The following PTGER4 variants were observed in gnomAD, a reference collection of about 807,000 sequenced individuals.
PTGER4 encodes the protein prostaglandin E receptor 4, also known as prostaglandin E2 receptor EP4 subtype.
PTGER4 carries 11 observed loss-of-function variants against 33.2 expected under a neutral mutation model. The ratio of observed to expected loss-of-function variants is 0.33; its 90% CI spans 0.21 to 0.55. The LOEUF (loss-of-function observed/expected upper bound fraction) is 0.55, where lower values mean the gene tolerates loss of function less well. PTGER4 is among the 20% of genes least tolerant of loss of function. The probability of loss-of-function intolerance (pLI) is 0.92; values close to 1 mark genes in which losing one functional copy is unlikely to be tolerated. For synonymous variants in PTGER4, 275 were observed against 281.5 expected (o/e 0.98, Z 0.23); for missense variants, 481 against 650.2 (o/e 0.74, Z 2.83).
rs542986755 is a variant in PTGER4, at chr5:40,689,760, G to C, written c.868-2019G>C. On this transcript the variant is annotated intron_variant, in intron 2 of 2. Coordinates refer to ENST00000302472, the MANE Select transcript of PTGER4 (RefSeq NM_000958.3). ...GTTAAATGGCTCCAGCTATGCTTTT[G>C]TTAGTTCTTTCTCCTTTTTGTGGTT... is the stretch of plus-strand genomic sequence containing the variant. 2.1e-4 allele frequency among the ~76,000 whole-genome samples: 32 copies of C among 152,222 alleles called. No homozygotes were observed. In the South Asian group the frequency reaches 5.4e-3, roughly 26 times the overall value.
chr5:40,695,270 C>T (rs1262332308), downstream of PTGER4, among the ~76,000 whole-genome samples: 1 of 152,114 alleles, frequency 6.6e-6, no homozygotes, highest in Non-Finnish European at 1.5e-5. Flanking sequence ...ATTGGCCAGG[C>T]GTGGTGGCTT....
chr5:40,705,442 A>C, the PTGER4 span, among the ~76,000 whole-genome samples: 1 of 152,188 alleles, frequency 6.6e-6, no homozygotes, highest in African/African-American at 2.4e-5. Context: ...AAGACACCAA[A>C]AGCAATTCCA....
At chr5:40,717,262 A>C in the PTGER4 span, among the ~76,000 whole-genome samples, 4 of 150,620 alleles carry the variant, frequency 2.7e-5, no homozygotes, top group Non-Finnish European at 4.4e-5. Flanking sequence ...TACATGTATT[A>C]ACTCATCTAT....
chr5:40,740,570 T>C, the PTGER4 span, among the ~76,000 whole-genome samples: 1 of 152,122 alleles, frequency 6.6e-6, no homozygotes, highest in Non-Finnish European at 1.5e-5. Context: ...TTCTCCACAT[T>C]AACTGGAAGT....
At chr5:40,723,564 T>TCA in the PTGER4 span, among the ~76,000 whole-genome samples, 2 of 149,744 alleles carry the variant, frequency 1.3e-5, no homozygotes, top group African/African-American at 4.9e-5. Context: ...ATGGGTATTA[T>TCA]CACACACACA....
chr5:40,708,065 CA>C, the PTGER4 span, among the ~76,000 whole-genome samples: 2 of 151,974 alleles, frequency 1.3e-5, no homozygotes, highest in African/African-American at 4.8e-5. Context: ...ACTAAATGCC[CA>C]AAAGAGAAAG....
At chr5:40,684,837 T>C (rs1035735524) in intron 2 of PTGER4, among the ~76,000 whole-genome samples, 1 of 152,124 alleles carries the variant, frequency 6.6e-6, no homozygotes. Context: ...TTTTTAAATA[T>C]AGGAGAATTT....
At chr5:40,696,720 C>G, downstream of PTGER4, 1 of 981,208 alleles carries the variant, frequency 1.0e-6, no homozygotes, top group Non-Finnish European at 1.2e-6. Context: ...TTCCTAAGAA[C>G]GTTTAACCAC....
At chr5:40,730,873 G>C in the PTGER4 span, among the ~76,000 whole-genome samples, 1 of 151,960 alleles carries the variant, frequency 6.6e-6, no homozygotes, top group East Asian at 1.9e-4. Context: ...ACAATACTTA[G>C]TATAATTTAA....
At chr5:40,686,258 G>A (rs1403374657) in intron 2 of PTGER4, among the ~76,000 whole-genome samples, 1 of 152,194 alleles carries the variant, frequency 6.6e-6, no homozygotes, top group Admixed American at 6.5e-5. Context: ...TTATTGGAAA[G>A]CGTTACTGTT....
chr5:40,681,021 G>T lies in PTGER4; in HGVS notation c.28G>T (p.Ala10Ser). 6.2e-7 allele frequency: 1 copy of T among 1,613,382 alleles called. No individual in the cohort carries two copies. The highest frequency in any genetic ancestry group is 8.5e-7 in the Non-Finnish European group (1 of 1,179,678). Residue 10 changes from alanine to serine, a missense_variant, in exon 2 of 3, where the codon GCC (alanine) becomes TCC (serine). This residue lies in a region of PTGER4 where 26 missense variants were observed against 21.0 expected (regional missense o/e 1.24). Coordinates refer to ENST00000302472, the MANE Select transcript of PTGER4 (RefSeq NM_000958.3). This position sits in a 1 kb window ranked among gnomAD's most constrained non-coding sequence, Gnocchi z 9.8. ...GTCCACTCCCGGGGTCAATTCGTCC[G>T]CCTCCTTGAGCCCCGACCGGCTGAA... MSTPGVNSS[A>S]SLSPDRLNSP... is the part of the protein sequence containing the mutation.
intron 2 of PTGER4, among the ~76,000 whole-genome samples, chr5:40,684,289 T>A (rs1203867943): frequency 6.6e-6 from 1 of 152,194 alleles, no homozygotes; most frequent in Non-Finnish European, 1.5e-5. Flanking sequence ...CAGTTGAGCT[T>A]ATCTTCAGTT....
chr5:40,734,465 T>C, the PTGER4 span, among the ~76,000 whole-genome samples: 1 of 152,082 alleles, frequency 6.6e-6, no homozygotes, highest in African/African-American at 2.4e-5. Flanking sequence ...GCAACTGAAG[T>C]AGCACAAGGA....
chr5:40,745,628 A>G, the PTGER4 span, among the ~76,000 whole-genome samples: 2 of 151,768 alleles, frequency 1.3e-5, no homozygotes, highest in Non-Finnish European at 2.9e-5. Context: ...GGCTCAAGCA[A>G]TCTTCCTGCC....
chr5:40,698,443 T>C (rs1741663560), downstream of PTGER4, among the ~76,000 whole-genome samples: 1 of 152,150 alleles, frequency 6.6e-6, no homozygotes, highest in African/African-American at 2.4e-5. Flanking sequence ...CCTAAATTTT[T>C]AAAAATGAAG....
chr5:40,733,022 C>T, the PTGER4 span, among the ~76,000 whole-genome samples: 2 of 151,306 alleles, frequency 1.3e-5, no homozygotes, highest in Admixed American at 1.3e-4. Context: ...GCTCTTAACA[C>T]ACAGGAAAAA....
chr5:40,703,369 C>T, the PTGER4 span, among the ~76,000 whole-genome samples: 1,883 of 152,240 alleles, frequency 0.012, 12 homozygotes, highest in Middle Eastern at 0.02. Flanking sequence ...AACACCACTA[C>T]GCACACAAAC....
chr5:40,685,287 C>G (rs1454116637), intron 2 of PTGER4: 3 of 518,834 alleles, frequency 5.8e-6, no homozygotes, highest in Non-Finnish European at 7.4e-6. Context: ...TGGTTCCTTA[C>G]TATAAACTAG....
Position 40,693,161 on chromosome 5 carries a change from A to T in PTGER4, c.*783A>T. On this transcript the variant is annotated 3_prime_UTR_variant, in exon 3 of 3. Coordinates refer to ENST00000302472, the MANE Select transcript of PTGER4 (RefSeq NM_000958.3). Reference sequence around the variant, plus strand: ...ATAGTGAAAATTGTTTAGTGATATTACATTTATTTATCCAGAAAACTGTGA... The same window carrying T: ...ATAGTGAAAATTGTTTAGTGATATTTCATTTATTTATCCAGAAAACTGTGA... 1.0e-6 allele frequency: 1 copy of T among 967,434 alleles called. No individual in the cohort carries two copies. The highest frequency in any genetic ancestry group is 1.2e-6 in the Non-Finnish European group (1 of 813,228). The allele number at this position is 967,434 out of a possible 1,614,324, so 59.9% of individuals were successfully genotyped here.
Sources: allele counts gnomAD v4.1 joint callset (sites outside exome capture counted in the v4.1 genomes callset), GRCh38; gene constraint gnomAD v4.1.1; regional missense constraint gnomAD v4.1.1; non-coding constraint Gnocchi (gnomAD v3.1); transcripts MANE v1.5; gene names NCBI Gene and HGNC (gene_info 2026-07-23, HGNC 2026-07-21).